PPFIBP2: variants seen among roughly 807,000 people sequenced by gnomAD.
PPFIBP2 encodes the protein PPFIB scaffold protein 2, also known as liprin-beta-2.
A neutral mutation model predicts 118.3 loss-of-function variants in PPFIBP2; 118 were observed. That is an observed-to-expected ratio of 1.00 (90% CI 0.86 to 1.16). PPFIBP2 has a LOEUF of 1.16. Ranked by LOEUF, PPFIBP2 falls within the 50% of genes most tolerant of loss-of-function variation. PPFIBP2 has a pLI of 0.00. For synonymous variants in PPFIBP2, 414 were observed against 397.4 expected (o/e 1.04, Z -0.50); for missense variants, 1,195 against 1,073.1 (o/e 1.11, Z -1.59).
At chr11:7,528,716 G>T (rs1397651056) in intron 1 of PPFIBP2, among the ~76,000 whole-genome samples, 1 of 152,152 alleles carries the variant, frequency 6.6e-6, no homozygotes, top group Non-Finnish European at 1.5e-5. Context: ...CCCATGCAGG[G>T]GTGTAGAGTG....
At chr11:7,563,138 T>C (rs767287291) in intron 2 of PPFIBP2, among the ~76,000 whole-genome samples, 9 of 151,676 alleles carry the variant, frequency 5.9e-5, no homozygotes, top group Non-Finnish European at 1.3e-4. Context: ...CACAGTGATA[T>C]AAAGTTAATG....
At chr11:7,638,150 A>T (rs1851686890) in intron 14 of PPFIBP2, among the ~76,000 whole-genome samples, 2 of 152,222 alleles carry the variant, frequency 1.3e-5, no homozygotes, top group African/African-American at 4.8e-5. Flanking sequence ...CCTTGTTAAA[A>T]ATATAGACAT....
intron 1 of PPFIBP2, chr11:7,548,624 T>A (rs1201988075): frequency 6.6e-6 from 1 of 152,102 alleles, no homozygotes; most frequent in Non-Finnish European, 1.5e-5. Flanking sequence ...AAGACCTTCC[T>A]TGAGGTAGAG....
In PPFIBP2 at chr11:7,616,762, G is replaced by A. The variant is rs970099764; in HGVS notation, c.619-4173G>A. Reference sequence around the variant, plus strand: ...TATCATGCATATGTGGAGAGAGGACGTGTTTGTGTGTGTGCCCCAGTGTGC... The same window carrying A: ...TATCATGCATATGTGGAGAGAGGACATGTTTGTGTGTGTGCCCCAGTGTGC... On this transcript the variant is annotated intron_variant, in intron 6 of 23. Transcript: ENST00000299492. This position sits in a 1 kb window ranked among gnomAD's most constrained non-coding sequence, Gnocchi z 5.2. Among the ~76,000 whole-genome samples, 4 of 150,452 alleles carry A rather than the reference G, an allele frequency of 2.7e-5. No homozygotes were observed. Among genetic ancestry groups the A allele is most frequent in the Admixed American group, 6.8e-5 (1 of 14,770 alleles).
At chr11:7,665,789 T>G in the PPFIBP2 span, 1 of 1,473,710 alleles carries the variant, frequency 6.8e-7, no homozygotes, top group South Asian at 1.3e-5. Context: ...CTGTCAGCTG[T>G]CAGCATTGAC....
At chr11:7,638,144 G>A (rs1590741717) in intron 14 of PPFIBP2, among the ~76,000 whole-genome samples, 1 of 152,200 alleles carries the variant, frequency 6.6e-6, no homozygotes, top group Non-Finnish European at 1.5e-5. Context: ...TGAGATCCTT[G>A]TTAAAAATAT....
chr11:7,633,046 T>G, intron 12 of PPFIBP2, 112 bp downstream of exon 12: 2 of 930,000 alleles, frequency 2.2e-6, no homozygotes, highest in Non-Finnish European at 3.4e-6. Context: ...GAGTCCTAGG[T>G]GCACCTGCCC....
rs150502944 is a variant in PPFIBP2, at chr11:7,521,844, G to A, written c.-37+7723G>A. ...GACGAGAGAAGGAAGAGGAGCAGAA[G>A]CTGAAAGACTGGGAGGAAGGACAGG... On this transcript the variant is annotated intron_variant, in intron 1 of 23. Transcript: ENST00000299492. 9.6e-3 allele frequency among the ~76,000 whole-genome samples: 1,458 copies of A among 152,274 alleles called. 23 individuals carry two copies. Among genetic ancestry groups the A allele is most frequent in the African/African-American group, 0.033 (1,369 of 41,534 alleles).
At chr11:7,523,532 A>G (rs1312731705) in intron 1 of PPFIBP2, among the ~76,000 whole-genome samples, 2 of 152,128 alleles carry the variant, frequency 1.3e-5, no homozygotes, top group African/African-American at 4.8e-5. Flanking sequence ...TGTTTTTCAT[A>G]TTAAGGCCAA....
intron 3 of PPFIBP2, chr11:7,569,121 A>G (rs1440569958): frequency 6.6e-6 from 1 of 152,178 alleles, no homozygotes; most frequent in Admixed American, 6.5e-5. Context: ...CAAATAGCAG[A>G]CTAGTCCTGG....
At position 7,633,083 on chromosome 11, in the gene PPFIBP2, A is replaced by G. The variant is rs1187788473; in HGVS notation, c.1136+149A>G. 8.8e-6 allele frequency: 6 copies of G among 682,308 alleles called. No individual in the cohort carries two copies. In the East Asian group the frequency reaches 1.7e-4, roughly 19 times the overall value. 42.3% of individuals were successfully genotyped at this position (682,308 alleles called of 1,614,324 possible). ...TCTGTTGTTAGGGCAGTTACAAACC[A>G]GGCCTACCTCTTTTGGCCACAGAAG... On this transcript the variant is annotated intron_variant, in intron 12 of 23. Coordinates refer to ENST00000299492, the MANE Select transcript of PPFIBP2 (RefSeq NM_003621.5).
At chr11:7,562,300 T>A (rs1202281814) in intron 2 of PPFIBP2, among the ~76,000 whole-genome samples, 1 of 152,228 alleles carries the variant, frequency 6.6e-6, no homozygotes, top group Admixed American at 6.5e-5. Context: ...TAGAAGGGCT[T>A]AGTTCCTTGA....
intron 2 of PPFIBP2, among the ~76,000 whole-genome samples, chr11:7,551,546 T>C (rs1028312374): frequency 6.6e-6 from 1 of 152,202 alleles, no homozygotes; most frequent in African/African-American, 2.4e-5. Flanking sequence ...GTACTGTCAG[T>C]CCTCCAACTT....
intron 11 of PPFIBP2, among the ~76,000 whole-genome samples, chr11:7,631,426 C>T (rs1850747871): frequency 6.6e-6 from 1 of 152,142 alleles, no homozygotes; most frequent in Non-Finnish European, 1.5e-5. Context: ...AATGAACGAA[C>T]ATGTCTTGCT....
intron 6 of PPFIBP2, among the ~76,000 whole-genome samples, chr11:7,615,179 A>G (rs1848485177): frequency 1.3e-5 from 2 of 151,926 alleles, no homozygotes; most frequent in Admixed American, 6.6e-5. Context: ...CTACTAAAAC[A>G]TACAAAAATT....
At chr11:7,602,439 A>G (rs1565037731) in intron 5 of PPFIBP2, among the ~76,000 whole-genome samples, 3 of 152,168 alleles carry the variant, frequency 2.0e-5, no homozygotes, top group Non-Finnish European at 2.9e-5. Context: ...TAAAGTAGCC[A>G]CTGTGAGCTC....
intron 1 of PPFIBP2, among the ~76,000 whole-genome samples, chr11:7,530,729 A>C (rs1341780114): frequency 6.6e-6 from 1 of 152,188 alleles, no homozygotes; most frequent in African/African-American, 2.4e-5. Context: ...GACTAAGACA[A>C]AGCTTGGGCT....
At chr11:7,549,608 A>G in intron 2 of PPFIBP2, 69 bp downstream of exon 2, 1 of 1,047,396 alleles carries the variant, frequency 9.5e-7, no homozygotes, top group Non-Finnish European at 1.2e-6. Flanking sequence ...CTCTCCTTTT[A>G]CTTTTTTTTT....
chr11:7,514,949 C>G (rs537579431), intron 1 of PPFIBP2, among the ~76,000 whole-genome samples: 1 of 152,360 alleles, frequency 6.6e-6, no homozygotes, highest in South Asian at 2.1e-4. Flanking sequence ...TTCTCTTCGT[C>G]TCTCTCCTTT....
Sources: allele counts gnomAD v4.1 joint callset (sites outside exome capture counted in the v4.1 genomes callset), GRCh38; gene constraint gnomAD v4.1.1; non-coding constraint Gnocchi (gnomAD v3.1); transcripts MANE v1.5; gene names NCBI Gene and HGNC (gene_info 2026-07-23, HGNC 2026-07-21).